Variants in RBM20 observed in about 807,000 individuals in gnomAD.
The protein encoded by RBM20 is RNA binding motif protein 20, also known as RNA-binding protein 20.
A neutral mutation model predicts 110.1 loss-of-function variants in RBM20; 51 were observed. That is an observed-to-expected ratio of 0.46 (90% CI 0.37 to 0.59). The LOEUF (loss-of-function observed/expected upper bound fraction) is 0.59. RBM20 is among the 20% of genes least tolerant of loss of function. The pLI, the probability that RBM20 is intolerant of heterozygous loss-of-function variation, is 0.00. For missense variants in RBM20, 1,512 were observed against 1,574.9 expected (o/e 0.96, Z 0.68); for synonymous variants, 589 against 618.2 (o/e 0.95, Z 0.70).
At chr10:110,794,783 A>T (rs1844529062) in intron 5 of RBM20, among the ~76,000 whole-genome samples, 1 of 152,266 alleles carries the variant, frequency 6.6e-6, no homozygotes, top group South Asian at 2.1e-4. Context: ...ATTGAGACCC[A>T]TTCACTTAGT....
At chr10:110,743,960 T>C (rs1843749842) in intron 1 of RBM20, among the ~76,000 whole-genome samples, 1 of 152,188 alleles carries the variant, frequency 6.6e-6, no homozygotes, top group Non-Finnish European at 1.5e-5. Flanking sequence ...AGAGATCAGC[T>C]TCTCTTCACT....
Position 110,824,325 on chromosome 10 carries a change from C to A in RBM20, c.3451+711C>A, listed in dbSNP as rs575594900. ...GTCTGCTATTGTTCATTGCTCCAGT[C>A]CTTCCCAGAACAATGCTACATATTT... On this transcript the variant is annotated intron_variant, in intron 12 of 13. Coordinates refer to ENST00000369519, the MANE Select transcript of RBM20 (RefSeq NM_001134363.3). Among the ~76,000 whole-genome samples the A allele has an allele frequency of 7.2e-5, 11 of 152,316 alleles. No individual in the cohort carries two copies. The South Asian group carries it at 1.2e-3, about 17-fold the overall frequency.
At chr10:110,785,001 A>C in intron 5 of RBM20, 112 bp downstream of exon 5, 2 of 692,300 alleles carry the variant, frequency 2.9e-6, no homozygotes, top group South Asian at 1.9e-5. Flanking sequence ...ATCATATCTC[A>C]CTGCAGCCTT....
intron 1 of RBM20, among the ~76,000 whole-genome samples, chr10:110,687,982 C>T (rs2134870953): frequency 6.8e-6 from 1 of 147,316 alleles, no homozygotes; most frequent in South Asian, 2.2e-4. Context: ...ATGAGTGCTA[C>T]TCCTAAATGG....
chr10:110,757,122 CTA>C (rs1843931467), intron 1 of RBM20, among the ~76,000 whole-genome samples: 1 of 152,216 alleles, frequency 6.6e-6, no homozygotes, highest in South Asian at 2.1e-4. Flanking sequence ...GCTTCCTTGA[CTA>C]TGAGGATTCC....
chr10:110,799,961 G>C, intron 7 of RBM20, 43 bp downstream of exon 7: 1 of 1,540,748 alleles, frequency 6.5e-7, no homozygotes, highest in South Asian at 1.2e-5. Context: ...ACAAGCACCA[G>C]ATGAGTTTCT....
chr10:110,747,965 G>A (rs980443137), intron 1 of RBM20, among the ~76,000 whole-genome samples: 2 of 152,092 alleles, frequency 1.3e-5, no homozygotes, highest in East Asian at 1.9e-4. Flanking sequence ...GAAATATTAC[G>A]TGTTTAAACT....
At chr10:110,648,686 T>C (rs1861902653) in intron 1 of RBM20, among the ~76,000 whole-genome samples, 2 of 134,844 alleles carry the variant, frequency 1.5e-5, no homozygotes, top group Non-Finnish European at 3.2e-5. Flanking sequence ...TCTGAGAGGA[T>C]TAAGCCTTTA....
At chr10:110,830,231 C>T (rs1466257021) in intron 12 of RBM20, among the ~76,000 whole-genome samples, 1 of 152,216 alleles carries the variant, frequency 6.6e-6, no homozygotes, top group Non-Finnish European at 1.5e-5. Flanking sequence ...AAAACACCTT[C>T]GTGGAGGCTG....
chr10:110,838,318 G>T lies in RBM20; in HGVS notation c.*2340G>T, dbSNP rs575264999. 6.6e-6 allele frequency: 1 copy of T among 152,328 alleles called. No homozygotes were observed. The highest frequency in any genetic ancestry group is 6.5e-5 in the Admixed American group (1 of 15,304). The allele number at this position is 152,328 out of a possible 1,614,324, so 9.4% of individuals were successfully genotyped here. A position where few individuals can be genotyped will look rare whatever the true frequency, so the allele number is the denominator to read the frequency against. Reference sequence around the variant, plus strand: ...CTTTTGAGAAGACCATATGGGGGCTGCTGAAAAGTTGGTATCTCAAATAAA... The same window carrying T: ...CTTTTGAGAAGACCATATGGGGGCTTCTGAAAAGTTGGTATCTCAAATAAA... On this transcript the variant is annotated 3_prime_UTR_variant, in exon 14 of 14. Transcript: ENST00000369519.
At chr10:110,784,770 C>A in intron 4 of RBM20, 22 bp from the exon 5 acceptor site, 1 of 1,473,852 alleles carries the variant, frequency 6.8e-7, no homozygotes, top group Non-Finnish European at 9.3e-7. Context: ...TTTTCACTGA[C>A]TTTGTGTAAT....
intron 1 of RBM20, among the ~76,000 whole-genome samples, chr10:110,710,950 C>A (rs1461639706): frequency 6.6e-6 from 1 of 152,124 alleles, no homozygotes; most frequent in Non-Finnish European, 1.5e-5. Context: ...TCATGAGACA[C>A]ACCCCTAGAA....
chr10:110,671,736 G>A (rs1404702772), intron 1 of RBM20, among the ~76,000 whole-genome samples: 1 of 150,902 alleles, frequency 6.6e-6, no homozygotes, highest in Non-Finnish European at 1.5e-5. Context: ...CACTGTTTAA[G>A]ATATATATAT....
rs549756349 is a variant in RBM20 at position 110,767,144 on chromosome 10, T to C, written c.192-13657T>C. On this transcript the variant is annotated intron_variant, in intron 1 of 13. Transcript: ENST00000369519. ...CCCCCCACCTCCCTCCCGGATGGGGTGGCTGGCCGGGCGGGGGGCTGACCC... is the reference window on the plus strand; with the variant it reads ...CCCCCCACCTCCCTCCCGGATGGGGCGGCTGGCCGGGCGGGGGGCTGACCC... 9.1e-3 allele frequency among the ~76,000 whole-genome samples: 681 copies of C among 74,618 alleles called. 16 individuals carry two copies. The highest frequency in any genetic ancestry group is 0.014 in the Non-Finnish European group (459 of 32,702). The allele number at this position is 74,618 out of a possible 152,430, so 49.0% of individuals were successfully genotyped here.
chr10:110,801,835 G>C (rs34554324), intron 7 of RBM20, among the ~76,000 whole-genome samples: 7,722 of 151,352 alleles, frequency 0.051, 236 homozygotes, highest in Middle Eastern at 0.079. Context: ...GTGAACCACC[G>C]TGCCTGGCCA....
intron 5 of RBM20, among the ~76,000 whole-genome samples, chr10:110,790,957 C>T (rs953254150): frequency 1.3e-5 from 2 of 152,184 alleles, no homozygotes; most frequent in African/African-American, 2.4e-5. Flanking sequence ...TGTGACTCTA[C>T]AGTTTCCAGG....
At chr10:110,732,398 T>C (rs1843628859) in intron 1 of RBM20, among the ~76,000 whole-genome samples, 1 of 152,210 alleles carries the variant, frequency 6.6e-6, no homozygotes, top group Non-Finnish European at 1.5e-5. Flanking sequence ...TCAGATTCCT[T>C]TTAAGGATTT....
chr10:110,788,832 C>T (rs1844451180), intron 5 of RBM20, among the ~76,000 whole-genome samples: 2 of 152,216 alleles, frequency 1.3e-5, no homozygotes, highest in Admixed American at 6.5e-5. Context: ...GGGGTGATTA[C>T]TCTGTTGCCA....
intron 1 of RBM20, among the ~76,000 whole-genome samples, chr10:110,759,079 G>A (rs1003156374): frequency 5.9e-5 from 9 of 152,220 alleles, no homozygotes; most frequent in Admixed American, 3.9e-4. Context: ...CACATTGGCT[G>A]ACTCACAACT....
Sources: gnomAD v4.1 joint callset for allele counts (sites outside exome capture counted in the v4.1 genomes callset) on GRCh38, gnomAD v4.1.1 for gene constraint, MANE v1.5 for transcripts, NCBI Gene and HGNC (gene_info 2026-07-23, HGNC 2026-07-21) for gene names.